RASEF: variants seen among roughly 807,000 people sequenced by gnomAD.
RASEF encodes the protein ras and EF-hand domain-containing protein.
A neutral mutation model predicts 90.1 loss-of-function variants in RASEF; 68 were observed. The ratio of observed to expected loss-of-function variants is 0.75; its 90% CI spans 0.62 to 0.92. The LOEUF (loss-of-function observed/expected upper bound fraction) is 0.92. RASEF is among the 40% of genes least tolerant of loss of function. The probability of loss-of-function intolerance (pLI) is 0.00; values close to 1 mark genes in which losing one functional copy is unlikely to be tolerated. For missense variants in RASEF, 949 were observed against 937.2 expected, an observed-to-expected ratio of 1.01 and a Z score of -0.16; for synonymous variants, 331 against 345.2, an observed-to-expected ratio of 0.96 and a Z score of 0.46.
chr9:83,116,813 A>G, the RASEF span, among the ~76,000 whole-genome samples: 1 of 152,198 alleles, frequency 6.6e-6, no homozygotes, highest in Non-Finnish European at 1.5e-5. Flanking sequence ...AATCATTAAT[A>G]TGTCATAATA....
At chr9:83,002,708 T>G (rs1829062564) in intron 9 of RASEF, among the ~76,000 whole-genome samples, 1 of 152,076 alleles carries the variant, frequency 6.6e-6, no homozygotes, top group Non-Finnish European at 1.5e-5. Flanking sequence ...TGGTTATGAT[T>G]TATTTTAAGC....
chr9:83,002,373 TAC>T (rs1362366392), intron 9 of RASEF, among the ~76,000 whole-genome samples: 1 of 152,134 alleles, frequency 6.6e-6, no homozygotes, highest in Non-Finnish European at 1.5e-5. Context: ...ACTGCTCAAT[TAC>T]AAAGTCTTTA....
At chr9:83,174,962 T>C in the RASEF span, among the ~76,000 whole-genome samples, 2 of 152,176 alleles carry the variant, frequency 1.3e-5, no homozygotes, top group African/African-American at 4.8e-5. Flanking sequence ...TTTATATTGA[T>C]CTTGTATCCT....
rs749465225 is a variant in RASEF at position 82,990,391 on chromosome 9, C to T, written c.2117G>A (p.Arg706Gln). 6.8e-6 allele frequency: 11 copies of T among 1,611,544 alleles called. No individual in the cohort carries two copies. Among genetic ancestry groups the T allele is most frequent in the African/African-American group, 1.3e-5 (1 of 74,930 alleles). The change falls in exon 16 of 17, where the codon CGA becomes CAA. Residue 706 changes from arginine (R) to glutamine (Q), a missense_variant and splice_region_variant. This residue lies in a region of RASEF where 288 missense variants were observed against 328.4 expected (regional missense o/e 0.88). Transcript: ENST00000376447. ...NIVEAVLHLA[R>Q]EVKKRTDKDD... Reference sequence around the variant, plus strand: ...CTACATCCATTTTCCCAAACTTTACCGAGCAAGGTGCAGAACAGCCTCCAC... The same window carrying T: ...CTACATCCATTTTCCCAAACTTTACTGAGCAAGGTGCAGAACAGCCTCCAC...
At chr9:82,988,866 G>A (rs1054431258) in intron 16 of RASEF, among the ~76,000 whole-genome samples, 9 of 152,144 alleles carry the variant, frequency 5.9e-5, no homozygotes, top group African/African-American at 1.9e-4. Flanking sequence ...TTATAGAGAT[G>A]CACAAAACAG....
intron 16 of RASEF, among the ~76,000 whole-genome samples, chr9:82,983,128 CACA>C (rs1828646330): frequency 1.5e-5 from 2 of 135,436 alleles, no homozygotes; most frequent in Admixed American, 1.5e-4. Flanking sequence ...CACACACACA[CACA>C]CACACACACA....
chr9:83,172,471 C>T, the RASEF span, among the ~76,000 whole-genome samples: 1 of 151,236 alleles, frequency 6.6e-6, no homozygotes, highest in Non-Finnish European at 1.5e-5. Flanking sequence ...TTCCTACTGT[C>T]TTCTTTTGTG....
the RASEF span, among the ~76,000 whole-genome samples, chr9:83,098,704 GA>G: frequency 5.3e-5 from 8 of 152,148 alleles, no homozygotes; most frequent in Admixed American, 2.0e-4. Context: ...AGGCAAGGAG[GA>G]GCAAAGTCAC....
chr9:83,064,633 A>G (rs903163160), upstream of RASEF, among the ~76,000 whole-genome samples: 2 of 152,212 alleles, frequency 1.3e-5, no homozygotes, highest in African/African-American at 4.8e-5. Context: ...CTGCTTAGGA[A>G]GAAGTGCTTT....
the RASEF span, among the ~76,000 whole-genome samples, chr9:83,210,884 C>G: frequency 6.6e-6 from 1 of 152,216 alleles, no homozygotes; most frequent in Admixed American, 6.5e-5. Flanking sequence ...TGGTCAGTCA[C>G]CCCAGGTAAA....
chr9:83,152,758 A>ACG, the RASEF span, among the ~76,000 whole-genome samples: 2 of 147,996 alleles, frequency 1.4e-5, no homozygotes, highest in African/African-American at 2.5e-5. Context: ...ACACACACAC[A>ACG]CTCAGGAAAC....
At chr9:83,206,528 C>T in the RASEF span, among the ~76,000 whole-genome samples, 24 of 152,182 alleles carry the variant, frequency 1.6e-4, no homozygotes, top group African/African-American at 1.4e-4. Context: ...TTCAGAATAA[C>T]GATTTACTAA....
At chr9:83,105,729 C>T in the RASEF span, among the ~76,000 whole-genome samples, 2 of 152,298 alleles carry the variant, frequency 1.3e-5, no homozygotes, top group East Asian at 3.9e-4. Context: ...TGTGTGCTTG[C>T]ATTATTACAA....
chr9:83,062,650 C>A lies in RASEF; in HGVS notation c.218G>T (p.Gly73Val). ...CCGGCGCCGCCCCCCGCGGAGGGAC[C>A]CGAGGAAGCCACGCGCGAACTCCTG... ...TFQEFARGFL[G>V]SLRGGRRRDW... Residue 73 changes from glycine (G) to valine (V), a missense_variant, in exon 1 of 17, where the codon GGG becomes GTG. Gly to Val is a moderately radical substitution (Grantham distance 109). Coordinates refer to ENST00000376447, the MANE Select transcript of RASEF (RefSeq NM_152573.4). The A allele has an allele frequency of 6.4e-7, 1 of 1,561,180 alleles. No individual in the cohort carries two copies. The highest frequency in any genetic ancestry group is 8.6e-7 in the Non-Finnish European group (1 of 1,160,596).
chr9:83,132,453 C>T, the RASEF span, among the ~76,000 whole-genome samples: 1 of 152,126 alleles, frequency 6.6e-6, no homozygotes, highest in South Asian at 2.1e-4. Context: ...GAAGAAGCAC[C>T]CAGGTGAATC....
At chr9:83,064,689 C>A (rs1187702067), upstream of RASEF, among the ~76,000 whole-genome samples, 1 of 152,152 alleles carries the variant, frequency 6.6e-6, no homozygotes, top group Non-Finnish European at 1.5e-5. Flanking sequence ...TTTACTCTGA[C>A]CTTTGTGCTC....
chr9:83,007,560 C>T (rs1009759458), intron 6 of RASEF, 55 bp from the exon 7 acceptor site: 20 of 1,230,524 alleles, frequency 1.6e-5, no homozygotes, highest in South Asian at 3.6e-5. Flanking sequence ...TCCTGCCTCA[C>T]GTATACCTAC....
intron 4 of RASEF, among the ~76,000 whole-genome samples, chr9:83,014,545 T>G (rs1829307675): frequency 6.6e-6 from 1 of 152,134 alleles, no homozygotes. Context: ...CTTGACCTCC[T>G]GAGCACAAGC....
chr9:83,100,425 C>A, the RASEF span, among the ~76,000 whole-genome samples: 3 of 152,176 alleles, frequency 2.0e-5, no homozygotes, highest in African/African-American at 7.2e-5. Context: ...TTCAACCAAC[C>A]AGTATCACAA....
Sources: gnomAD v4.1 joint callset for allele counts (sites outside exome capture counted in the v4.1 genomes callset) on GRCh38, gnomAD v4.1.1 for gene constraint, gnomAD v4.1.1 regional missense constraint, MANE v1.5 for transcripts, NCBI Gene and HGNC (gene_info 2026-07-23, HGNC 2026-07-21) for gene names.